The following SERINC5 variants were observed in gnomAD, a reference collection of about 807,000 sequenced individuals.
SERINC5 encodes the protein serine incorporator 5.
Under a neutral mutation model 63.1 loss-of-function variants are expected in SERINC5, and 41 were observed. The ratio of observed to expected loss-of-function variants is 0.65; its 90% CI spans 0.51 to 0.84. SERINC5 has a LOEUF of 0.84. SERINC5 is among the 40% of genes least tolerant of loss of function. The probability of loss-of-function intolerance (pLI) is 0.00; values close to 1 mark genes in which losing one functional copy is unlikely to be tolerated. For missense variants in SERINC5, 523 were observed against 573.0 expected, an observed-to-expected ratio of 0.91 and a Z score of 0.89; for synonymous variants, 222 against 215.2, an observed-to-expected ratio of 1.03 and a Z score of -0.28.
intron 5 of SERINC5, among the ~76,000 whole-genome samples, chr5:80,172,707 G>GA (rs1747743843): frequency 1.3e-5 from 2 of 151,952 alleles, no homozygotes; most frequent in Non-Finnish European, 2.9e-5. Context: ...TTTTAAGAAG[G>GA]AAAAAAATAT....
intron 1 of SERINC5, among the ~76,000 whole-genome samples, chr5:80,236,817 G>A (rs540072708): frequency 2.0e-5 from 3 of 151,586 alleles, no homozygotes; most frequent in South Asian, 4.2e-4. Flanking sequence ...ATGAGCCACC[G>A]CACCTGGCCC....
At chr5:80,131,720 T>C (rs1347703924) in intron 11 of SERINC5, among the ~76,000 whole-genome samples, 1 of 152,168 alleles carries the variant, frequency 6.6e-6, no homozygotes, top group Admixed American at 6.5e-5. Flanking sequence ...GTGTGGTAAA[T>C]TGTGTTTCCA....
rs535885541 is a variant in SERINC5 at position 80,158,965 on chromosome 5, T to A, written c.860-3A>T. On this transcript the variant is annotated splice_region_variant and splice_polypyrimidine_tract_variant and intron_variant, in intron 7 of 11. Transcript: ENST00000507668. Reference sequence around the variant, plus strand: ...ATTTTTCCCATGTTCATCTAGAACTTGAAAAGAAAAAACAAAGTCATCACA... The same window carrying A: ...ATTTTTCCCATGTTCATCTAGAACTAGAAAAGAAAAAACAAAGTCATCACA... 1 of 1,613,260 alleles carries A rather than the reference T, an allele frequency of 6.2e-7. No individual in the cohort carries two copies. Among genetic ancestry groups the A allele is most frequent in the Admixed American group, 1.7e-5 (1 of 59,950 alleles).
At chr5:80,184,217 A>T (rs540344890) in intron 2 of SERINC5, among the ~76,000 whole-genome samples, 14 of 152,272 alleles carry the variant, frequency 9.2e-5, no homozygotes, top group Non-Finnish European at 1.8e-4. Flanking sequence ...TTGCTCTAAA[A>T]CATTCCCTAA....
At chr5:80,230,836 G>T (rs1345253286) in intron 1 of SERINC5, among the ~76,000 whole-genome samples, 6 of 151,416 alleles carry the variant, frequency 4.0e-5, no homozygotes, top group Non-Finnish European at 8.8e-5. Context: ...CTTTCTTTCT[G>T]ACAGTATTCT....
intron 11 of SERINC5, among the ~76,000 whole-genome samples, chr5:80,130,431 G>T (rs1023816942): frequency 6.6e-6 from 1 of 152,084 alleles, no homozygotes; most frequent in Non-Finnish European, 1.5e-5. Flanking sequence ...TGGTTGTGGT[G>T]GCTTGTGTCT....
chr5:80,127,534 T>C (rs1043225830), intron 11 of SERINC5, among the ~76,000 whole-genome samples: 2 of 152,232 alleles, frequency 1.3e-5, no homozygotes, highest in Non-Finnish European at 2.9e-5. Context: ...CGACACTGAC[T>C]GATACCACCT....
intron 11 of SERINC5, among the ~76,000 whole-genome samples, chr5:80,144,617 TCTC>T (rs1325494111): frequency 2.0e-5 from 3 of 152,104 alleles, no homozygotes; most frequent in Admixed American, 1.3e-4. Flanking sequence ...AAAGCTCCCT[TCTC>T]CTCTCCTCCT....
chr5:80,255,821 C>T lies in SERINC5; in HGVS notation c.27+75G>A, dbSNP rs1425001887. The stretch of plus-strand genomic sequence containing the variant: ...CCGCGGAGCTGGGAGCGCACCCAGG[C>T]AGGTCCTCCACGCCTGGACTCCTGG... On this transcript the variant is annotated intron_variant, in intron 1 of 11. Transcript: ENST00000507668. 2.7e-6 allele frequency: 4 copies of T among 1,485,348 alleles called. No homozygotes were observed. The South Asian group carries it at 3.6e-5, about 13-fold the overall frequency. The allele number at this position is 1,485,348 out of a possible 1,614,324, so 92.0% of individuals were successfully genotyped here. A position where few individuals can be genotyped will look rare whatever the true frequency, so the allele number is the denominator to read the frequency against.
At chr5:80,179,127 T>C (rs569086409) in intron 2 of SERINC5, among the ~76,000 whole-genome samples, 3 of 152,084 alleles carry the variant, frequency 2.0e-5, no homozygotes, top group South Asian at 2.1e-4. Context: ...TGTGAAACCC[T>C]GTCTCTACTA....
intron 11 of SERINC5, among the ~76,000 whole-genome samples, chr5:80,124,039 T>C (rs987320595): frequency 4.3e-4 from 66 of 152,266 alleles, no homozygotes; most frequent in African/African-American, 1.4e-3. Context: ...AATATGCGGA[T>C]GGCCAGACTA....
intron 1 of SERINC5, among the ~76,000 whole-genome samples, chr5:80,245,911 G>A (rs570918710): frequency 6.7e-4 from 99 of 148,342 alleles, no homozygotes; most frequent in African/African-American, 2.4e-3. Flanking sequence ...CACCACACCT[G>A]GCCCCAGAGA....
At chr5:80,159,286 C>G (rs1232030602) in intron 7 of SERINC5, among the ~76,000 whole-genome samples, 1 of 152,154 alleles carries the variant, frequency 6.6e-6, no homozygotes, top group Non-Finnish European at 1.5e-5. Context: ...AAGGCAGCCT[C>G]TAAAGAGAGG....
At chr5:80,152,417 A>G (rs1188574936) in intron 8 of SERINC5, among the ~76,000 whole-genome samples, 1 of 151,044 alleles carries the variant, frequency 6.6e-6, no homozygotes, top group Admixed American at 6.6e-5. Context: ...AGGAGAATAA[A>G]TTGAGCCTGG....
At chr5:80,121,010 C>G (rs1744521943) in intron 11 of SERINC5, among the ~76,000 whole-genome samples, 1 of 152,022 alleles carries the variant, frequency 6.6e-6, no homozygotes, top group Admixed American at 6.5e-5. Context: ...GCCTCAGCCT[C>G]CTGAGTAGCT....
intron 2 of SERINC5, among the ~76,000 whole-genome samples, chr5:80,183,912 G>A (rs1038685079): frequency 7.9e-5 from 12 of 152,170 alleles, no homozygotes; most frequent in Non-Finnish European, 1.5e-4. Context: ...GGAAGCACCC[G>A]CAGGCGGGTA....
rs1490647674 is a variant in SERINC5, at chr5:80,141,940, G to A, written c.*1723C>T. ...ATCCCCTGTAATTTGTTTCCCCATG[G>A]GTTTTCTTGGGAGAAGGGCAAAGGA... is the stretch of plus-strand genomic sequence containing the variant. On this transcript the variant is annotated 3_prime_UTR_variant, in exon 12 of 12. Transcript: ENST00000507668. 1 of 985,134 alleles carries A rather than the reference G, an allele frequency of 1.0e-6. No homozygotes were observed. Among genetic ancestry groups the A allele is most frequent in the African/African-American group, 1.7e-5 (1 of 57,178 alleles). The allele number at this position is 985,134 out of a possible 1,614,324, so 61.0% of individuals were successfully genotyped here.
At chr5:80,145,881 A>T (rs1433763437) in intron 11 of SERINC5, among the ~76,000 whole-genome samples, 1 of 152,200 alleles carries the variant, frequency 6.6e-6, no homozygotes, top group Non-Finnish European at 1.5e-5. Flanking sequence ...ATGGTGGTAC[A>T]TGCATGTAAT....
At chr5:80,117,101 G>T (rs935114289) in intron 11 of SERINC5, among the ~76,000 whole-genome samples, 2 of 152,090 alleles carry the variant, frequency 1.3e-5, no homozygotes, top group Admixed American at 1.3e-4. Flanking sequence ...AAAGTGCTGG[G>T]ATTACAGGTG....
Sources: allele counts gnomAD v4.1 joint callset (sites outside exome capture counted in the v4.1 genomes callset), GRCh38; gene constraint gnomAD v4.1.1; transcripts MANE v1.5; gene names NCBI Gene and HGNC (gene_info 2026-07-23, HGNC 2026-07-21).